The following MCU variants were observed in gnomAD, a reference collection of about 807,000 sequenced individuals.
MCU encodes the protein calcium uniporter protein, mitochondrial.
MCU carries 12 observed loss-of-function variants against 45.2 expected under a neutral mutation model. The observed-to-expected ratio is 0.27, with a 90% confidence interval of 0.17 to 0.43. MCU has a LOEUF of 0.43. Among genes scored for constraint, MCU ranks in the 20% least tolerant of loss-of-function variants. The probability of loss-of-function intolerance (pLI) is 1.00; values close to 1 mark genes in which losing one functional copy is unlikely to be tolerated. For missense variants in MCU, 324 were observed against 436.7 expected, an observed-to-expected ratio of 0.74 and a Z score of 2.30; for synonymous variants, 160 against 165.1, an observed-to-expected ratio of 0.97 and a Z score of 0.24.
At chr10:72,834,203 A>C (rs1375452226) in intron 1 of MCU, among the ~76,000 whole-genome samples, 156 bp from the exon 2 acceptor site, 1 of 152,212 alleles carries the variant, frequency 6.6e-6, no homozygotes, top group Non-Finnish European at 1.5e-5. Flanking sequence ...TAGGAGTTTG[A>C]AAGACTTTTA....
chr10:72,802,024 G>GCCA, intron 1 of MCU, among the ~76,000 whole-genome samples: 1 of 152,206 alleles, frequency 6.6e-6, no homozygotes, highest in East Asian at 1.9e-4. Flanking sequence ...TTTCCTTTAA[G>GCCA]CCACCTATGT....
chr10:72,725,664 G>A (rs1843088031), intron 1 of MCU, among the ~76,000 whole-genome samples: 1 of 129,330 alleles, frequency 7.7e-6, no homozygotes, highest in South Asian at 2.8e-4. Flanking sequence ...TGAGGTCGGT[G>A]GATCACCTAA....
intron 1 of MCU, among the ~76,000 whole-genome samples, chr10:72,823,175 T>C (rs1655096101): frequency 6.6e-6 from 1 of 152,230 alleles, no homozygotes; most frequent in Admixed American, 6.5e-5. Flanking sequence ...TGGAATATTA[T>C]TTGGCAATAA....
intron 2 of MCU, among the ~76,000 whole-genome samples, chr10:72,855,129 C>T (rs1845267814): frequency 6.6e-6 from 1 of 151,918 alleles, no homozygotes; most frequent in Non-Finnish European, 1.5e-5. Context: ...GTCTCAGCTA[C>T]CCAGGAGGTA....
chr10:72,845,373 TA>T (rs973746574), intron 2 of MCU, among the ~76,000 whole-genome samples: 33 of 152,180 alleles, frequency 2.2e-4, no homozygotes, highest in South Asian at 2.1e-4. Flanking sequence ...TTATTTATAA[TA>T]GGGGGAAAAT....
chr10:72,780,553 G>GTGTGTGTGT (rs1276944923), intron 1 of MCU, among the ~76,000 whole-genome samples: 3 of 8,654 alleles, frequency 3.5e-4, no homozygotes, highest in South Asian at 5.5e-3. Context: ...TGTGTGTGTT[G>GTGTGTGTGT]GGTGAATTTG....
At chr10:72,811,490 C>T (rs944526918) in intron 1 of MCU, among the ~76,000 whole-genome samples, 2 of 152,156 alleles carry the variant, frequency 1.3e-5, no homozygotes, top group African/African-American at 4.8e-5. Flanking sequence ...TTTGTAAGAC[C>T]TGTGGGGTCC....
At chr10:72,711,070 T>C (rs1842887148) in intron 1 of MCU, among the ~76,000 whole-genome samples, 1 of 151,756 alleles carries the variant, frequency 6.6e-6, no homozygotes. Context: ...TCCCAGCTAC[T>C]TGGGAGGCTG....
chr10:72,785,595 A>T (rs1589458776), intron 1 of MCU, among the ~76,000 whole-genome samples: 3 of 152,312 alleles, frequency 2.0e-5, no homozygotes, highest in Middle Eastern at 6.8e-3. Flanking sequence ...GTTGGCTCAT[A>T]GTCCAGAATT....
intron 2 of MCU, among the ~76,000 whole-genome samples, chr10:72,845,739 C>T (rs1845110860): frequency 6.6e-6 from 1 of 152,158 alleles, no homozygotes; most frequent in African/African-American, 2.4e-5. Flanking sequence ...CAGAATGTAT[C>T]CCTGTCGTTA....
intron 1 of MCU, among the ~76,000 whole-genome samples, chr10:72,698,539 C>T (rs1456452619): frequency 6.6e-6 from 1 of 152,234 alleles, no homozygotes; most frequent in African/African-American, 2.4e-5. Context: ...GAGTCTTACT[C>T]TGTCGCCCAG....
Position 72,860,476 on chromosome 10 carries a change from T to A in MCU, c.445T>A (p.Phe149Ile). ...AATAGACCTCCTCCTCCTTGATGAC[T>A]TTAAGCTGGTCATTAATGACTTAAC... ...TGIDLLLLDDFKLVINDLTYH... is the reference protein window; with the variant it reads ...TGIDLLLLDDIKLVINDLTYH... The change falls in exon 4 of 8, where the codon TTT becomes ATT. Residue 149 changes from phenylalanine to isoleucine, a missense_variant. This residue lies in a region of MCU where 135 missense variants were observed against 207.3 expected (regional missense o/e 0.65). Coordinates refer to ENST00000373053, the MANE Select transcript of MCU (RefSeq NM_138357.3). 6.2e-7 allele frequency: 1 copy of A among 1,614,086 alleles called. No individual in the cohort carries two copies. The highest frequency in any genetic ancestry group is 8.5e-7 in the Non-Finnish European group (1 of 1,179,992).
At chr10:72,848,504 T>C (rs1257548801) in intron 2 of MCU, among the ~76,000 whole-genome samples, 1 of 152,128 alleles carries the variant, frequency 6.6e-6, no homozygotes, top group Non-Finnish European at 1.5e-5. Context: ...AACCCACTCC[T>C]ATGATAATGG....
chr10:72,710,157 T>C (rs780464670), intron 1 of MCU, among the ~76,000 whole-genome samples: 7 of 152,096 alleles, frequency 4.6e-5, no homozygotes, highest in Admixed American at 3.3e-4. Flanking sequence ...TTGTACTTTT[T>C]AGTAGAGATG....
rs141757466 is a variant in MCU at position 72,695,547 on chromosome 10, C to T, written c.150+3246C>T. On this transcript the variant is annotated intron_variant, in intron 1 of 7. Coordinates refer to ENST00000373053, the MANE Select transcript of MCU (RefSeq NM_138357.3). The stretch of plus-strand genomic sequence containing the variant: ...TTTCAGCCTTTATCACCCCTAATCA[C>T]TCCTCTAGCCTTTAAGGTTCATTTC... Among the ~76,000 whole-genome samples, 9 of 152,260 alleles carry T rather than the reference C, an allele frequency of 5.9e-5. No homozygotes were observed. The East Asian group carries it at 1.5e-3, about 26-fold the overall frequency.
chr10:72,812,249 A>G lies in MCU; in HGVS notation c.151-22110A>G, dbSNP rs558475255. ...GCAGCCTCCACTGCCCGATTCAAGC[A>G]ATTCTCCTGTCTCAGCCTCCCGAGT... On this transcript the variant is annotated intron_variant, in intron 1 of 7. Coordinates refer to ENST00000373053, the MANE Select transcript of MCU (RefSeq NM_138357.3). Among the ~76,000 whole-genome samples the G allele has an allele frequency of 2.4e-3, 365 of 152,170 alleles. 4 individuals carry two copies. Among genetic ancestry groups the G allele is most frequent in the African/African-American group, 8.3e-3 (346 of 41,526 alleles).
chr10:72,827,533 AT>A (rs1239643425), intron 1 of MCU, among the ~76,000 whole-genome samples: 1 of 152,138 alleles, frequency 6.6e-6, no homozygotes, highest in East Asian at 1.9e-4. Flanking sequence ...AAAACCTTAT[AT>A]TTCTACCTTT....
At chr10:72,704,704 ATTTTTTTTTTTTT>A (rs1162093579) in intron 1 of MCU, among the ~76,000 whole-genome samples, 126 of 106,742 alleles carry the variant, frequency 1.2e-3, no homozygotes, top group Non-Finnish European at 1.6e-3. Flanking sequence ...TGCCTGGATA[ATTTTTTTTTTTTT>A]TTTTTTTTTT....
intron 4 of MCU, among the ~76,000 whole-genome samples, chr10:72,865,990 A>C (rs188157933): frequency 1.3e-5 from 2 of 150,192 alleles, no homozygotes; most frequent in African/African-American, 4.9e-5. Context: ...TGTTAGCCAG[A>C]ATGGTCTTGA....
Sources: allele counts gnomAD v4.1 joint callset (sites outside exome capture counted in the v4.1 genomes callset), GRCh38; gene constraint gnomAD v4.1.1; regional missense constraint gnomAD v4.1.1; transcripts MANE v1.5; gene names NCBI Gene and HGNC (gene_info 2026-07-23, HGNC 2026-07-21).